Variants in CST11 observed in about 807,000 individuals in gnomAD.
CST11 encodes cystatin-11.
Under a neutral mutation model 14.0 loss-of-function variants are expected in CST11, and 13 were observed. The ratio of observed to expected loss-of-function variants is 0.93; its 90% CI spans 0.60 to 1.47. The LOEUF (loss-of-function observed/expected upper bound fraction) is 1.47, where lower values mean the gene tolerates loss of function less well. Ranked by LOEUF, CST11 falls within the 40% of genes most tolerant of loss-of-function variation. The probability of loss-of-function intolerance (pLI) is 0.00; values close to 1 mark genes in which losing one functional copy is unlikely to be tolerated. For synonymous variants in CST11, 64 were observed against 57.8 expected, an observed-to-expected ratio of 1.11 and a Z score of -0.48; for missense variants, 181 against 160.0, an observed-to-expected ratio of 1.13 and a Z score of -0.71.
At chr20:23,452,247 G>A (rs1396062187) in intron 1 of CST11, among the ~76,000 whole-genome samples, 1 of 152,152 alleles carries the variant, frequency 6.6e-6, no homozygotes, top group Non-Finnish European at 1.5e-5. Flanking sequence ...TTGGCCATGT[G>A]GTCTCTGTAA....
In CST11 at chr20:23,450,462, G is replaced by T; in HGVS notation, c.*44C>A. 1.6e-6 allele frequency: 2 copies of T among 1,279,092 alleles called. No homozygotes were observed. The highest frequency in any genetic ancestry group is 1.1e-6 in the Non-Finnish European group (1 of 902,940). 79.2% of individuals were successfully genotyped at this position (1,279,092 alleles called of 1,614,324 possible). On this transcript the variant is annotated 3_prime_UTR_variant, in exon 3 of 3. Coordinates refer to ENST00000377009, the MANE Select transcript of CST11 (RefSeq NM_130794.2). ...TATTAAGGATTATTGCCCATTGCAG[G>T]ATTCTCTCACATGCAGTGGCCGCAG... is the stretch of plus-strand genomic sequence containing the variant.
Position 23,450,519 on chromosome 20 carries a change from C to A in CST11, c.404G>T (p.Cys135Phe). 6.2e-7 allele frequency: 1 copy of A among 1,611,574 alleles called. No individual in the cohort carries two copies. The highest frequency in any genetic ancestry group is 8.5e-7 in the Non-Finnish European group (1 of 1,177,948). Residue 135 changes from cysteine to phenylalanine, a missense_variant, in exon 3 of 3, where the codon TGC (cysteine) becomes TTC (phenylalanine). By Grantham distance (205) the Cys-to-Phe change is radical (BLOSUM62 -2). Transcript: ENST00000377009. ...FEQYKILNKS[C>F]SSD The stretch of plus-strand genomic sequence containing the variant: ...ACTCCAGGACACCTAGTCACTGCTG[C>A]AGCTTTTGTTCAAAATTTTGTACTG...
Position 23,452,656 on chromosome 20 carries a change from G to A in CST11, c.156C>T (p.Thr52=), listed in dbSNP as rs762472790. The part of the protein sequence containing the change: ...NYAKDSLQWI[T]DQYNKESDDK... ...CATCACTTTCCTTGTTATACTGGTC[G>A]GTGATCCACTGCAAGCTGTCCTTCG... The change falls in exon 1 of 3, where the codon ACC becomes ACT. Residue 52 remains threonine, a synonymous_variant. Transcript: ENST00000377009. 61 of 1,613,780 alleles carry A rather than the reference G, an allele frequency of 3.8e-5. 1 individual carries two copies. In the South Asian group the frequency reaches 4.3e-4, roughly 11 times the overall value.
Position 23,452,756 on chromosome 20 carries a change from A to G in CST11, c.56T>C (p.Leu19Pro). Residue 19 changes from leucine (L) to proline (P), a missense_variant, in exon 1 of 3, where the codon CTG (leucine) becomes CCG (proline). Transcript: ENST00000377009. ...LQLLLAILLT[L>P]MALPYQARKK... The stretch of plus-strand genomic sequence containing the variant: ...CCTTGCTTGGTAGGGGAGGGCCATC[A>G]GAGTCAATAGAATGGCCAACAGGAG... 3 of 1,614,166 alleles carry G rather than the reference A, an allele frequency of 1.9e-6. No homozygotes were observed. Among genetic ancestry groups the G allele is most frequent in the South Asian group, 2.2e-5 (2 of 91,082 alleles).
intron 1 of CST11, among the ~76,000 whole-genome samples, chr20:23,452,157 G>T (rs568262427): frequency 5.6e-4 from 85 of 152,338 alleles, no homozygotes; most frequent in African/African-American, 1.7e-3. Context: ...CTTGGGTAAT[G>T]CAAGTGACGC....
At position 23,451,893 on chromosome 20, in the gene CST11, T is replaced by A; in HGVS notation, c.256A>T (p.Asn86Tyr). 6.2e-7 allele frequency: 1 copy of A among 1,613,942 alleles called. No homozygotes were observed. The highest frequency in any genetic ancestry group is 8.5e-7 in the Non-Finnish European group (1 of 1,179,894). ...CAGGTGGTCCACTGCATTTCCACAT[T>A]CAGGTGATACTCCAGGTGGTCAGTG... is the stretch of plus-strand genomic sequence containing the variant. ...QVTDHLEYHLNVEMQWTTCQK... is the reference protein window; with the variant it reads ...QVTDHLEYHLYVEMQWTTCQK... The change falls in exon 2 of 3, where the codon AAT becomes TAT. Residue 86 changes from asparagine to tyrosine, a missense_variant. Physicochemically the swap from Asn to Tyr is moderately radical, Grantham distance 143. Coordinates refer to ENST00000377009, the MANE Select transcript of CST11 (RefSeq NM_130794.2).
chr20:23,451,992 G>T (rs1429420007), intron 1 of CST11, 72 bp from the exon 2 acceptor site: 2 of 1,152,454 alleles, frequency 1.7e-6, no homozygotes, highest in African/African-American at 1.6e-5. Context: ...GTGCCTGGGG[G>T]CTCCGCTACC....
chr20:23,450,619 A>C (rs769327012), intron 2 of CST11, 30 bp from the exon 3 acceptor site: 2 of 1,560,138 alleles, frequency 1.3e-6, no homozygotes, highest in African/African-American at 2.7e-5. Flanking sequence ...CAATATTTTA[A>C]AAGACGCCAG....
At position 23,452,581 on chromosome 20, in the gene CST11, C is replaced by T. The variant is rs762600638; in HGVS notation, c.228+3G>A. ...GGGGAGAGGCGGGAAGTCATACACT[C>T]ACCTGCCTCTGGACTTTAAGGACTC... On this transcript the variant is annotated splice_donor_region_variant and intron_variant, in intron 1 of 2. Coordinates refer to ENST00000377009, the MANE Select transcript of CST11 (RefSeq NM_130794.2). The T allele has an allele frequency of 1.3e-6, 2 of 1,594,588 alleles. No individual in the cohort carries two copies. The highest frequency in any genetic ancestry group is 1.7e-5 in the Admixed American group (1 of 60,000).
Position 23,451,915 on chromosome 20 carries a change from A to G in CST11, c.234T>C (p.Thr78=). 2 of 1,613,516 alleles carry G rather than the reference A, an allele frequency of 1.2e-6. No homozygotes were observed. ...CATTCAGGTGATACTCCAGGTGGTC[A>G]GTGACCTGTGGGCGCCAGGCGTGGG... ...FRVLKVQRQV[T]DHLEYHLNVE... Residue 78 remains threonine (T), a synonymous_variant, in exon 2 of 3, where the codon ACT becomes ACC. Coordinates refer to ENST00000377009, the MANE Select transcript of CST11 (RefSeq NM_130794.2).
chr20:23,452,632 A>C lies in CST11; in HGVS notation c.180T>G (p.Asp60Glu), dbSNP rs775608255. Residue 60 changes from aspartate (D) to glutamate (E), a missense_variant, in exon 1 of 3, where the codon GAT (aspartate) becomes GAG (glutamate). By Grantham distance (45) the Asp-to-Glu change is conservative. Coordinates refer to ENST00000377009, the MANE Select transcript of CST11 (RefSeq NM_130794.2). ...GGAAGATCCTGAAGTGGTACTTGTC[A>C]TCACTTTCCTTGTTATACTGGTCGG... ...WITDQYNKES[D>E]DKYHFRIFRV... The C allele has an allele frequency of 1.2e-6, 2 of 1,614,098 alleles. No homozygotes were observed. Among genetic ancestry groups the C allele is most frequent in the Admixed American group, 3.3e-5 (2 of 60,028 alleles).
intron 2 of CST11, among the ~76,000 whole-genome samples, chr20:23,451,505 T>A (rs1344315876): frequency 1.3e-5 from 2 of 152,214 alleles, no homozygotes; most frequent in Admixed American, 1.3e-4. Flanking sequence ...GACAGGTCCC[T>A]CCCACAGGCT....
Position 23,450,603 on chromosome 20 carries a change from C to A in CST11, c.334-14G>T, listed in dbSNP as rs781122591. Reference sequence around the variant, plus strand: ...GCAGTTGACTTGCTAAAACAAAAAACAAAGGCAATATTTTAAAAGACGCCA... The same window carrying A: ...GCAGTTGACTTGCTAAAACAAAAAAAAAAGGCAATATTTTAAAAGACGCCA... On this transcript the variant is annotated splice_polypyrimidine_tract_variant and intron_variant, in intron 2 of 2. Transcript: ENST00000377009. 1.3e-6 allele frequency: 2 copies of A among 1,596,346 alleles called. No homozygotes were observed. The highest frequency in any genetic ancestry group is 1.7e-6 in the Non-Finnish European group (2 of 1,166,916).
At position 23,450,606 on chromosome 20, in the gene CST11, A is replaced by C. The variant is rs562237019; in HGVS notation, c.334-17T>G. The C allele has an allele frequency of 6.3e-7, 1 of 1,594,626 alleles. No individual in the cohort carries two copies. The highest frequency in any genetic ancestry group is 8.6e-7 in the Non-Finnish European group (1 of 1,165,278). ...GTTGACTTGCTAAAACAAAAAACAA[A>C]GGCAATATTTTAAAAGACGCCAGGT... is the stretch of plus-strand genomic sequence containing the variant. On this transcript the variant is annotated splice_polypyrimidine_tract_variant and intron_variant, in intron 2 of 2. Coordinates refer to ENST00000377009, the MANE Select transcript of CST11 (RefSeq NM_130794.2).
At chr20:23,451,967 C>A (rs6114089) in intron 1 of CST11, 47 bp from the exon 2 acceptor site, 10 of 1,457,628 alleles carry the variant, frequency 6.9e-6, no homozygotes, top group South Asian at 1.1e-5. Flanking sequence ...CCCTTCTCCC[C>A]TGTCTGCGGT....
intron 2 of CST11, among the ~76,000 whole-genome samples, chr20:23,451,126 C>T (rs1435006346): frequency 6.6e-6 from 1 of 152,156 alleles, no homozygotes; most frequent in African/African-American, 2.4e-5. Context: ...CCATTTATCC[C>T]TCCTTCCATC....
chr20:23,451,957 C>G, intron 1 of CST11, 37 bp from the exon 2 acceptor site: 1 of 1,495,920 alleles, frequency 6.7e-7, no homozygotes, highest in Non-Finnish European at 9.3e-7. Context: ...ACAGCTTGTC[C>G]CCTTCTCCCC....
chr20:23,451,990 G>C (rs1425246443), intron 1 of CST11, 70 bp from the exon 2 acceptor site: 8 of 1,175,884 alleles, frequency 6.8e-6, no homozygotes, highest in Non-Finnish European at 1.0e-5. Context: ...CTGTGCCTGG[G>C]GGCTCCGCTA....
intron 1 of CST11, 57 bp from the exon 2 acceptor site, chr20:23,451,977 T>C: frequency 7.3e-7 from 1 of 1,368,830 alleles, no homozygotes; most frequent in Non-Finnish European, 1.0e-6. Flanking sequence ...CTGTCTGCGG[T>C]TTCTGTGCCT....
Sources: gnomAD v4.1 joint callset for allele counts (sites outside exome capture counted in the v4.1 genomes callset) on GRCh38, gnomAD v4.1.1 for gene constraint, MANE v1.5 for transcripts, NCBI Gene and HGNC (gene_info 2026-07-23, HGNC 2026-07-21) for gene names.